Variants in NRXN3 observed in about 807,000 individuals in gnomAD.
The protein encoded by NRXN3 is neurexin 3, also known as neurexin III.
In NRXN3, 32 loss-of-function variants were observed where a neutral mutation model predicts 137.6. That is an observed-to-expected ratio of 0.23 (90% CI 0.18 to 0.31). The LOEUF is 0.31. Ranked by LOEUF, NRXN3 falls within the 10% of genes least tolerant of loss-of-function variation. The pLI is 1.00. For missense variants in NRXN3, 1,574 were observed against 2,062.5 expected, an observed-to-expected ratio of 0.76 and a Z score of 4.59; for synonymous variants, 798 against 784.5, an observed-to-expected ratio of 1.02 and a Z score of -0.29.
chr14:78,805,361 C>T (rs576081621), intron 9 of NRXN3, among the ~76,000 whole-genome samples: 5 of 151,910 alleles, frequency 3.3e-5, no homozygotes, highest in Non-Finnish European at 2.9e-5. Context: ...CAATCCTCCC[C>T]GCCATCAACC....
At chr14:79,317,605 C>T in intron 15 of NRXN3, among the ~76,000 whole-genome samples, 1 of 152,082 alleles carries the variant, frequency 6.6e-6, no homozygotes, top group East Asian at 1.9e-4. Flanking sequence ...GGGAGAGACA[C>T]AATTCAACTC....
At chr14:79,650,044 C>T (rs752547872) in intron 16 of NRXN3, among the ~76,000 whole-genome samples, 14 of 152,102 alleles carry the variant, frequency 9.2e-5, no homozygotes, top group Non-Finnish European at 1.6e-4. Context: ...TTTCTATCTC[C>T]GGGCAGGTAG....
intron 10 of NRXN3, among the ~76,000 whole-genome samples, chr14:78,893,859 A>G (rs2099166234): frequency 6.6e-6 from 1 of 151,974 alleles, no homozygotes; most frequent in South Asian, 2.1e-4. Flanking sequence ...ACAATAAAGC[A>G]AGCATATAAA....
chr14:78,360,339 C>G (rs973123245), intron 4 of NRXN3, among the ~76,000 whole-genome samples: 4 of 152,204 alleles, frequency 2.6e-5, no homozygotes, highest in African/African-American at 9.7e-5. Context: ...CTTAGGCATA[C>G]AAATATTTGA....
chr14:78,842,796 A>C (rs1393299626), intron 10 of NRXN3, among the ~76,000 whole-genome samples: 3 of 152,072 alleles, frequency 2.0e-5, no homozygotes, highest in Non-Finnish European at 4.4e-5. Context: ...GCTTGCTGAG[A>C]AAAACAATTC....
chr14:78,987,989 T>C (rs751940170), intron 14 of NRXN3, 33 bp from the exon 15 acceptor site: 3 of 1,593,260 alleles, frequency 1.9e-6, no homozygotes, highest in Non-Finnish European at 2.6e-6. Flanking sequence ...TCTCTCCTTT[T>C]TCTTTTTTTC....
At chr14:79,574,243 T>C (rs951436189) in intron 16 of NRXN3, among the ~76,000 whole-genome samples, 2 of 147,124 alleles carry the variant, frequency 1.4e-5, no homozygotes, top group Admixed American at 6.8e-5. Flanking sequence ...CACACACACA[T>C]ACATATATAC....
chr14:78,844,147 G>A (rs1475771964), intron 10 of NRXN3, among the ~76,000 whole-genome samples: 1 of 152,060 alleles, frequency 6.6e-6, no homozygotes, highest in African/African-American at 2.4e-5. Context: ...TCTTTGGCTT[G>A]TTGCTGCTTC....
chr14:78,946,798 A>T (rs997203313), intron 10 of NRXN3, among the ~76,000 whole-genome samples: 1 of 152,174 alleles, frequency 6.6e-6, no homozygotes, highest in Admixed American at 6.5e-5. Flanking sequence ...CATGCGTCAT[A>T]CATGGCCAGG....
At position 79,590,416 on chromosome 14, in the gene NRXN3, T is replaced by TAAAAAAAAAAAAAA. The variant is rs11419735; in HGVS notation, c.3445-73353_3445-73340dup. On this transcript the variant is annotated intron_variant, in intron 16 of 20. Coordinates refer to ENST00000335750, the MANE Select transcript of NRXN3 (RefSeq NM_001330195.2). ...TCCATTAAACCTTTCTTTCTTTTGT[T>TAAAAAAAAAAAAAA]AAAAAAAAAAAAAAAAAAAAAAGAT... is the stretch of plus-strand genomic sequence containing the variant. Among the ~76,000 whole-genome samples, 92 of 92,258 alleles carry TAAAAAAAAAAAAAA rather than the reference T, an allele frequency of 1.0e-3. 10 individuals are homozygous for TAAAAAAAAAAAAAA. Among genetic ancestry groups the TAAAAAAAAAAAAAA allele is most frequent in the African/African-American group, 1.9e-3 (33 of 17,744 alleles). 60.5% of individuals were successfully genotyped at this position (92,258 alleles called of 152,430 possible). A position where few individuals can be genotyped will look rare whatever the true frequency, so the allele number is the denominator to read the frequency against.
chr14:79,729,303 T>G (rs564904339), intron 19 of NRXN3, among the ~76,000 whole-genome samples: 14 of 152,278 alleles, frequency 9.2e-5, no homozygotes, highest in East Asian at 7.7e-4. Context: ...AATATGTGGT[T>G]CCCATATTTG....
chr14:78,494,083 A>G (rs1484641661), intron 4 of NRXN3, among the ~76,000 whole-genome samples: 2 of 152,182 alleles, frequency 1.3e-5, no homozygotes, highest in Non-Finnish European at 2.9e-5. Flanking sequence ...TGCTGCCAGA[A>G]GAACCACTTA....
At chr14:78,449,526 T>C (rs1186668164) in intron 4 of NRXN3, among the ~76,000 whole-genome samples, 1 of 152,270 alleles carries the variant, frequency 6.6e-6, no homozygotes, top group East Asian at 1.9e-4. Flanking sequence ...TTATCACATT[T>C]ATTATCTTAC....
At chr14:79,474,406 TA>T (rs1270606881) in intron 16 of NRXN3, among the ~76,000 whole-genome samples, 7 of 152,182 alleles carry the variant, frequency 4.6e-5, no homozygotes, top group African/African-American at 1.7e-4. Flanking sequence ...ATTGTTTGTA[TA>T]AGTCTGCTTG....
chr14:78,753,373 G>A (rs2098652219), intron 8 of NRXN3, among the ~76,000 whole-genome samples: 1 of 152,174 alleles, frequency 6.6e-6, no homozygotes, highest in Non-Finnish European at 1.5e-5. Flanking sequence ...TTTCACAGAC[G>A]CTGAAACTGC....
chr14:78,917,819 A>G (rs878912841), intron 10 of NRXN3, among the ~76,000 whole-genome samples: 1 of 152,150 alleles, frequency 6.6e-6, no homozygotes, highest in Admixed American at 6.5e-5. Flanking sequence ...CACAGATTTG[A>G]GGGCCTCCAC....
intron 17 of NRXN3, among the ~76,000 whole-genome samples, chr14:79,673,996 A>G (rs1368246565): frequency 1.3e-5 from 2 of 152,048 alleles, no homozygotes; most frequent in African/African-American, 4.8e-5. Context: ...ACGCTGCCCT[A>G]TCTTGAACCT....
intron 3 of NRXN3, 35 bp from the exon 4 acceptor site, chr14:78,297,796 C>T: frequency 5.6e-6 from 8 of 1,439,208 alleles, no homozygotes; most frequent in Non-Finnish European, 7.6e-6. Context: ...CCCTTCCCCA[C>T]TCCTCTTCCC....
At chr14:79,290,541 T>A (rs951155327) in intron 15 of NRXN3, among the ~76,000 whole-genome samples, 4 of 151,926 alleles carry the variant, frequency 2.6e-5, no homozygotes, top group African/African-American at 9.7e-5. Flanking sequence ...CACAGTCAAC[T>A]CATTTAATGA....
Sources: allele counts gnomAD v4.1 joint callset (sites outside exome capture counted in the v4.1 genomes callset), GRCh38; gene constraint gnomAD v4.1.1; transcripts MANE v1.5; gene names NCBI Gene and HGNC (gene_info 2026-07-23, HGNC 2026-07-21).